ALK: variants seen among roughly 807,000 people sequenced by gnomAD.
The protein encoded by ALK is ALK receptor tyrosine kinase, also known as ALK tyrosine kinase receptor.
In ALK, 74 loss-of-function variants were observed where a neutral mutation model predicts 163.1. That is an observed-to-expected ratio of 0.45 (90% CI 0.38 to 0.55). The LOEUF (loss-of-function observed/expected upper bound fraction) is 0.55. ALK is among the 20% of genes least tolerant of loss of function. The pLI is 0.00. For synonymous variants in ALK, 960 were observed against 843.2 expected, an observed-to-expected ratio of 1.14 and a Z score of -2.40; for missense variants, 2,063 against 2,105.3, an observed-to-expected ratio of 0.98 and a Z score of 0.39.
chr2:29,853,561 A>T (rs1292248437), intron 1 of ALK, among the ~76,000 whole-genome samples: 1 of 152,064 alleles, frequency 6.6e-6, no homozygotes, highest in African/African-American at 2.4e-5. Context: ...CAGCCTCTCA[A>T]CCAGCTTCCT....
rs144092120 is a variant in ALK, at chr2:29,400,533, C to T, written c.1155-16674G>A. On this transcript the variant is annotated intron_variant, in intron 4 of 28. Coordinates refer to ENST00000389048, the MANE Select transcript of ALK (RefSeq NM_004304.5). ...CCAAGGCTGGGGAGTCTCATTCCCT[C>T]TTGTCTGCTGCCACCCAAGAACAAG... 3.4e-3 allele frequency among the ~76,000 whole-genome samples: 522 copies of T among 152,298 alleles called. 3 individuals carry two copies. The highest frequency in any genetic ancestry group is 0.012 in the African/African-American group (502 of 41,578).
chr2:29,560,647 C>G (rs1339107624), intron 3 of ALK, among the ~76,000 whole-genome samples: 1 of 152,032 alleles, frequency 6.6e-6, no homozygotes, highest in African/African-American at 2.4e-5. Flanking sequence ...TTTCGGCTCA[C>G]TGCAGCCTTG....
At chr2:29,317,411 T>C (rs1436896602) in intron 8 of ALK, among the ~76,000 whole-genome samples, 1 of 152,250 alleles carries the variant, frequency 6.6e-6, no homozygotes, top group African/African-American at 2.4e-5. Flanking sequence ...GCCTGCTCTC[T>C]TGGAGCTTAC....
chr2:29,338,160 C>A (rs960721878), intron 5 of ALK, among the ~76,000 whole-genome samples: 1 of 152,154 alleles, frequency 6.6e-6, no homozygotes, highest in Non-Finnish European at 1.5e-5. Context: ...CTTTGGGTGT[C>A]CTCATGTCAC....
At chr2:29,574,507 C>A (rs113606994) in intron 3 of ALK, among the ~76,000 whole-genome samples, 1 of 152,194 alleles carries the variant, frequency 6.6e-6, no homozygotes, top group Non-Finnish European at 1.5e-5. Context: ...TTGGTCCTGC[C>A]GGCCCTATAA....
chr2:29,858,049 GTGTGTGTGCA>G (rs1011174474), intron 1 of ALK, among the ~76,000 whole-genome samples: 1 of 74,020 alleles, frequency 1.4e-5, no homozygotes, highest in African/African-American at 4.7e-5. Context: ...TGGTGTGTAT[GTGTGTGTGCA>G]TGTGTGTGTG....
intron 3 of ALK, among the ~76,000 whole-genome samples, chr2:29,576,853 G>A (rs922507347): frequency 4.0e-5 from 6 of 151,480 alleles, no homozygotes; most frequent in Admixed American, 3.3e-4. Context: ...ATCCATCACT[G>A]TCTCCCACCA....
intron 1 of ALK, among the ~76,000 whole-genome samples, chr2:29,887,021 T>C (rs1005136574): frequency 6.6e-6 from 1 of 152,224 alleles, no homozygotes; most frequent in Non-Finnish European, 1.5e-5. Flanking sequence ...CCCTGAATGA[T>C]TGATTATTGC....
chr2:29,686,543 C>T (rs2631994), intron 3 of ALK, among the ~76,000 whole-genome samples: 96,475 of 152,058 alleles, frequency 0.63, 33,977 homozygotes, highest in Non-Finnish European at 0.78. Flanking sequence ...AAGATCTTAC[C>T]TAACAGATGA....
In ALK at chr2:29,920,765, T is replaced by G. The variant is rs1414269063; in HGVS notation, c.-106A>C. On this transcript the variant is annotated 5_prime_UTR_variant, in exon 1 of 29. Coordinates refer to ENST00000389048, the MANE Select transcript of ALK (RefSeq NM_004304.5). ...ACAGTCCTTGGTACCCAGCGGCTCC[T>G]TCCACCTGATCTCCAGAGGACTGTG... The G allele has an allele frequency of 9.9e-7, 1 of 1,010,218 alleles. No individual in the cohort carries two copies. The highest frequency in any genetic ancestry group is 1.5e-5 in the South Asian group (1 of 67,936). The allele number at this position is 1,010,218 out of a possible 1,614,324, so 62.6% of individuals were successfully genotyped here.
At chr2:29,472,250 A>G (rs1671364135) in intron 4 of ALK, among the ~76,000 whole-genome samples, 1 of 152,232 alleles carries the variant, frequency 6.6e-6, no homozygotes, top group South Asian at 2.1e-4. Flanking sequence ...AAATGATTCC[A>G]TGTCCTCAAC....
intron 4 of ALK, among the ~76,000 whole-genome samples, chr2:29,406,284 T>C (rs910373326): frequency 6.6e-6 from 1 of 152,136 alleles, no homozygotes; most frequent in Non-Finnish European, 1.5e-5. Context: ...CCCTGGATCA[T>C]CTCTAGTCCT....
At chr2:29,514,748 C>A (rs1672617393) in intron 4 of ALK, among the ~76,000 whole-genome samples, 1 of 152,192 alleles carries the variant, frequency 6.6e-6, no homozygotes, top group Non-Finnish European at 1.5e-5. Context: ...TCTTTCCCAC[C>A]TGTATCCAAC....
At chr2:29,606,474 G>A (rs1468681485) in intron 3 of ALK, among the ~76,000 whole-genome samples, 1 of 152,214 alleles carries the variant, frequency 6.6e-6, no homozygotes, top group African/African-American at 2.4e-5. Context: ...GTGCTCCTAA[G>A]TGAAAGGTAA....
At chr2:29,280,967 C>T (rs958640857) in intron 9 of ALK, among the ~76,000 whole-genome samples, 5 of 146,362 alleles carry the variant, frequency 3.4e-5, no homozygotes, top group African/African-American at 1.0e-4. Context: ...GAACCACTCT[C>T]GGACCGAGGG....
At chr2:29,348,034 G>A (rs1423193800) in intron 5 of ALK, among the ~76,000 whole-genome samples, 2 of 152,164 alleles carry the variant, frequency 1.3e-5, no homozygotes, top group Non-Finnish European at 2.9e-5. Flanking sequence ...GGTTTGCTGT[G>A]TCTTATTAAA....
chr2:29,886,322 T>G (rs952130109), intron 1 of ALK, among the ~76,000 whole-genome samples: 8 of 152,368 alleles, frequency 5.3e-5, no homozygotes, highest in African/African-American at 1.9e-4. Context: ...AATGTTCTAC[T>G]TGGATTTTTG....
chr2:29,594,894 TGG>T (rs1170679687), intron 3 of ALK, among the ~76,000 whole-genome samples: 11 of 20,642 alleles, frequency 5.3e-4, no homozygotes, highest in Middle Eastern at 0.056. Flanking sequence ...TAAACAAAAA[TGG>T]GGGGTGGGGG....
intron 4 of ALK, among the ~76,000 whole-genome samples, chr2:29,444,538 T>C (rs1670624297): frequency 6.6e-6 from 1 of 152,130 alleles, no homozygotes; most frequent in South Asian, 2.1e-4. Flanking sequence ...GTTATGACTT[T>C]TGGGGGCCCT....
Sources: allele counts gnomAD v4.1 joint callset (sites outside exome capture counted in the v4.1 genomes callset), GRCh38; gene constraint gnomAD v4.1.1; transcripts MANE v1.5; gene names NCBI Gene and HGNC (gene_info 2026-07-23, HGNC 2026-07-21).